IL1RAPL2: variants seen among roughly 807,000 people sequenced by gnomAD.
The protein encoded by IL1RAPL2 is X-linked interleukin-1 receptor accessory protein-like 2.
IL1RAPL2 carries 3 observed loss-of-function variants against 44.1 expected under a neutral mutation model. The ratio of observed to expected loss-of-function variants is 0.07; its 90% CI spans 0.03 to 0.18. IL1RAPL2 has a LOEUF of 0.18. IL1RAPL2 is among the 10% of genes least tolerant of loss of function. IL1RAPL2 has a pLI of 1.00. For synonymous variants in IL1RAPL2, 181 were observed against 178.8 expected, an observed-to-expected ratio of 1.01 and a Z score of -0.10; for missense variants, 391 against 496.4, an observed-to-expected ratio of 0.79 and a Z score of 2.02.
intron 5 of IL1RAPL2, among the ~76,000 whole-genome samples, chrX:105,351,530 A>G (rs1056044385): frequency 9.0e-6 from 1 of 110,792 alleles, no homozygotes; most frequent in Non-Finnish European, 1.9e-5. Context: ...TAACACAAGA[A>G]CAGAAAACCA....
At chrX:105,147,165 A>G (rs1453258622) in intron 2 of IL1RAPL2, among the ~76,000 whole-genome samples, 1 of 111,313 alleles carries the variant, frequency 9.0e-6, no homozygotes, top group African/African-American at 3.3e-5. Flanking sequence ...TTTCTGAAAA[A>G]CAACTCAGAG....
chrX:104,916,454 TGAG>T (rs1157076646), intron 2 of IL1RAPL2, among the ~76,000 whole-genome samples: 1 of 111,799 alleles, frequency 8.9e-6, no homozygotes, highest in Non-Finnish European at 1.9e-5. Flanking sequence ...CTTATCAGCT[TGAG>T]GAGATTTTGG....
chrX:104,699,035 G>A (rs766422386), intron 2 of IL1RAPL2, among the ~76,000 whole-genome samples: 32 of 110,831 alleles, frequency 2.9e-4, no homozygotes, highest in African/African-American at 1.1e-3. Context: ...GTATAGGCTG[G>A]TAGGGAAGTT....
chrX:104,900,981 A>G (rs1053098654), intron 2 of IL1RAPL2, among the ~76,000 whole-genome samples: 8 of 110,828 alleles, frequency 7.2e-5, no homozygotes, highest in Non-Finnish European at 1.5e-4. Context: ...ATAAAGGGAT[A>G]TTTTTCTAGA....
At chrX:105,196,800 G>A (rs1376045262) in intron 3 of IL1RAPL2, among the ~76,000 whole-genome samples, 1 of 111,509 alleles carries the variant, frequency 9.0e-6, no homozygotes, top group Non-Finnish European at 1.9e-5. Flanking sequence ...GAAGTAGGTA[G>A]CTGAGACGAC....
chrX:104,816,923 G>C (rs55986705), intron 2 of IL1RAPL2, among the ~76,000 whole-genome samples: 1 of 112,785 alleles, frequency 8.9e-6, no homozygotes, highest in Non-Finnish European at 1.9e-5. Context: ...GTTTCACTAA[G>C]AAATCAACTT....
rs1929533572 is a variant in IL1RAPL2, at chrX:104,627,359, G to A, written c.-19-31536G>A. 4.8e-5 allele frequency among the ~76,000 whole-genome samples: 5 copies of A among 103,188 alleles called. No individual in the cohort carries two copies. In the South Asian group the frequency reaches 2.5e-3, roughly 52 times the overall value. The allele number at this position is 103,188 out of a possible 115,157, so 89.6% of individuals were successfully genotyped here. A position where few individuals can be genotyped will look rare whatever the true frequency, so the allele number is the denominator to read the frequency against. On this transcript the variant is annotated intron_variant, in intron 1 of 10. Transcript: ENST00000372582. ...GGGGTGGGGGGAGGGGGGAGGGAAA[G>A]CATTAGGAGATATACCTAATGTAAA... is the stretch of plus-strand genomic sequence containing the variant.
chrX:105,160,265 G>C (rs1000350143), intron 2 of IL1RAPL2, among the ~76,000 whole-genome samples: 2 of 110,635 alleles, frequency 1.8e-5, no homozygotes, highest in South Asian at 7.7e-4. Context: ...ATGATTCTGA[G>C]CTTGCCCATG....
At chrX:104,634,070 C>T (rs1317427771) in intron 1 of IL1RAPL2, among the ~76,000 whole-genome samples, 3 of 111,525 alleles carry the variant, frequency 2.7e-5, no homozygotes, top group African/African-American at 6.5e-5. Flanking sequence ...TTTCAAAGAA[C>T]ATCTTTATTA....
At chrX:105,046,932 A>G (rs2147762647) in intron 2 of IL1RAPL2, among the ~76,000 whole-genome samples, 1 of 105,911 alleles carries the variant, frequency 9.4e-6, no homozygotes, top group East Asian at 3.0e-4. Context: ...CCCATTTGGC[A>G]GATAGAACCT....
chrX:105,307,030 G>A (rs946052159), intron 5 of IL1RAPL2, among the ~76,000 whole-genome samples: 1 of 110,589 alleles, frequency 9.0e-6, no homozygotes, highest in African/African-American at 3.3e-5. Context: ...ACATGCAAGA[G>A]AGAGAGGGTG....
chrX:105,172,143 A>G (rs1012229184), intron 2 of IL1RAPL2, among the ~76,000 whole-genome samples: 1 of 112,268 alleles, frequency 8.9e-6, no homozygotes, highest in East Asian at 2.8e-4. Context: ...AGAGGCTGAG[A>G]ACATTATGGA....
intron 5 of IL1RAPL2, among the ~76,000 whole-genome samples, chrX:105,390,915 T>G (rs777121015): frequency 1.8e-5 from 2 of 111,418 alleles, no homozygotes; most frequent in East Asian, 5.7e-4. Flanking sequence ...TAAAAATTAA[T>G]AAGAAAATGG....
intron 6 of IL1RAPL2, among the ~76,000 whole-genome samples, chrX:105,593,303 G>A (rs1300984405): frequency 9.0e-6 from 1 of 111,494 alleles, no homozygotes; most frequent in African/African-American, 3.3e-5. Flanking sequence ...TTTTAAAATG[G>A]CTATTTTGTC....
intron 5 of IL1RAPL2, among the ~76,000 whole-genome samples, chrX:105,345,905 T>A (rs914873158): frequency 1.8e-5 from 2 of 111,490 alleles, no homozygotes; most frequent in Admixed American, 1.9e-4. Context: ...AACAAGAAAA[T>A]CATACCAACA....
chrX:105,008,462 T>C (rs1361089329), intron 2 of IL1RAPL2, among the ~76,000 whole-genome samples: 1 of 111,570 alleles, frequency 9.0e-6, no homozygotes, highest in Non-Finnish European at 1.9e-5. Context: ...TAGGCTATTT[T>C]TCAATGTATA....
chrX:104,905,382 T>G (rs74355241), intron 2 of IL1RAPL2, among the ~76,000 whole-genome samples: 1 of 109,992 alleles, frequency 9.1e-6, no homozygotes, highest in Non-Finnish European at 1.9e-5. Flanking sequence ...CTTGCCCATG[T>G]CTATGTCCTG....
intron 4 of IL1RAPL2, among the ~76,000 whole-genome samples, chrX:105,239,996 C>T (rs2034156189): frequency 8.9e-6 from 1 of 112,237 alleles, no homozygotes; most frequent in Non-Finnish European, 1.9e-5. Context: ...AATGACCCAT[C>T]AGGTAGCTGA....
At chrX:105,408,117 G>A (rs1329217053) in intron 5 of IL1RAPL2, among the ~76,000 whole-genome samples, 3 of 111,912 alleles carry the variant, frequency 2.7e-5, no homozygotes, top group African/African-American at 9.7e-5. Context: ...GGAGAATGAG[G>A]AATTTTAAAC....
Sources: gnomAD v4.1 joint callset for allele counts (sites outside exome capture counted in the v4.1 genomes callset) on GRCh38, gnomAD v4.1.1 for gene constraint, MANE v1.5 for transcripts, NCBI Gene and HGNC (gene_info 2026-07-23, HGNC 2026-07-21) for gene names.